The following REDIC1 variants were observed in gnomAD, a reference collection of about 807,000 sequenced individuals.
REDIC1 encodes HEI10 Interacting Protein 1.
chr12:39,729,732 T>C, the REDIC1 span, among the ~76,000 whole-genome samples: 10 of 152,192 alleles, frequency 6.6e-5, no homozygotes, highest in Admixed American at 6.5e-4. Context: ...TTCTGTCTTG[T>C]TGATCTGTCT....
the REDIC1 span, among the ~76,000 whole-genome samples, chr12:39,714,671 A>C: frequency 6.6e-6 from 1 of 151,854 alleles, no homozygotes; most frequent in Non-Finnish European, 1.5e-5. Context: ...ACTAGTTTAC[A>C]TTCCCACCAG....
the REDIC1 span, among the ~76,000 whole-genome samples, chr12:39,895,873 C>T: frequency 3.4e-4 from 24 of 69,870 alleles, 1 homozygote; most frequent in South Asian, 5.6e-4. Context: ...TATGCACACA[C>T]ATATGTATAT....
chr12:39,806,788 C>T, the REDIC1 span, among the ~76,000 whole-genome samples: 5 of 151,996 alleles, frequency 3.3e-5, no homozygotes, highest in Admixed American at 2.0e-4. Context: ...TCAAGACAGT[C>T]GAAAATAAAT....
the REDIC1 span, among the ~76,000 whole-genome samples, chr12:39,632,999 G>A: frequency 6.6e-6 from 1 of 151,950 alleles, no homozygotes; most frequent in Non-Finnish European, 1.5e-5. Flanking sequence ...CTAAATTTAT[G>A]TTTAAAGATG....
At chr12:39,800,050 T>C in the REDIC1 span, among the ~76,000 whole-genome samples, 1 of 152,174 alleles carries the variant, frequency 6.6e-6, no homozygotes, top group Admixed American at 6.5e-5. Context: ...CAAGTAAACA[T>C]ATATGTAATG....
chr12:39,900,444 G>A, the REDIC1 span, among the ~76,000 whole-genome samples: 32 of 152,024 alleles, frequency 2.1e-4, no homozygotes, highest in Admixed American at 6.5e-4. Context: ...AAACCCCATC[G>A]TCTCAGCCCA....
At chr12:39,643,866 A>G in the REDIC1 span, 1 of 1,578,894 alleles carries the variant, frequency 6.3e-7, no homozygotes, top group Non-Finnish European at 8.7e-7. Context: ...CAGCTTAGAC[A>G]TTCTTAACCT....
the REDIC1 span, among the ~76,000 whole-genome samples, chr12:39,634,698 G>T: frequency 1.8e-3 from 275 of 152,204 alleles, no homozygotes; most frequent in African/African-American, 6.0e-3. Context: ...AAGAACCTAG[G>T]CAATACCATT....
At chr12:39,847,572 G>A in the REDIC1 span, among the ~76,000 whole-genome samples, 1 of 152,134 alleles carries the variant, frequency 6.6e-6, no homozygotes, top group South Asian at 2.1e-4. Context: ...AGCCACCCTG[G>A]CCCATGTGGT....
chr12:39,785,151 C>T, the REDIC1 span, among the ~76,000 whole-genome samples: 1 of 152,124 alleles, frequency 6.6e-6, no homozygotes. Flanking sequence ...CTCCAGGCCA[C>T]TTCAGAGACC....
chr12:39,713,397 C>CAT, the REDIC1 span, among the ~76,000 whole-genome samples: 1 of 9,106 alleles, frequency 1.1e-4, no homozygotes, highest in Non-Finnish European at 6.0e-4. Context: ...TGTGTAGACA[C>CAT]ATACGTATGT....
the REDIC1 span, among the ~76,000 whole-genome samples, chr12:39,845,399 C>T: frequency 1.3e-5 from 2 of 152,064 alleles, no homozygotes; most frequent in African/African-American, 4.8e-5. Context: ...CACTATAACA[C>T]TTGGCATTAG....
At chr12:39,716,308 T>C in the REDIC1 span, among the ~76,000 whole-genome samples, 1 of 152,162 alleles carries the variant, frequency 6.6e-6, no homozygotes, top group East Asian at 1.9e-4. Context: ...TGTATCAAAC[T>C]GGATGCTTTG....
the REDIC1 span, among the ~76,000 whole-genome samples, chr12:39,713,612 GTATA>G: frequency 6.7e-6 from 1 of 148,294 alleles, no homozygotes; most frequent in African/African-American, 2.5e-5. Flanking sequence ...ATATACATAT[GTATA>G]TACGCATGTA....
the REDIC1 span, among the ~76,000 whole-genome samples, chr12:39,716,003 C>G: frequency 6.6e-6 from 1 of 151,960 alleles, no homozygotes. Context: ...TTCTCTCTGC[C>G]TCTCAGCTGA....
the REDIC1 span, among the ~76,000 whole-genome samples, chr12:39,626,520 C>T: frequency 6.6e-6 from 1 of 152,158 alleles, no homozygotes; most frequent in Admixed American, 6.5e-5. Context: ...AACCATATCT[C>T]TACTCCTCAG....
chr12:39,655,197 AT>A, the REDIC1 span, among the ~76,000 whole-genome samples: 7 of 151,796 alleles, frequency 4.6e-5, no homozygotes, highest in South Asian at 1.2e-3. Flanking sequence ...AATTTTCTCA[AT>A]TGTTTTTCTA....
the REDIC1 span, among the ~76,000 whole-genome samples, chr12:39,825,402 T>A: frequency 6.6e-6 from 1 of 152,202 alleles, no homozygotes; most frequent in Non-Finnish European, 1.5e-5. Context: ...AATGTGTGTC[T>A]TTCCACTACT....
At chr12:39,860,165 T>A in the REDIC1 span, among the ~76,000 whole-genome samples, 1 of 152,192 alleles carries the variant, frequency 6.6e-6, no homozygotes, top group Non-Finnish European at 1.5e-5. Flanking sequence ...AGGTGGTTAG[T>A]CTGTGTGCCC....
Sources: gnomAD v4.1 joint callset for allele counts (sites outside exome capture counted in the v4.1 genomes callset) on GRCh38, gnomAD v4.1.1 for gene constraint, MANE v1.5 for transcripts, NCBI Gene and HGNC (gene_info 2026-07-23, HGNC 2026-07-21) for gene names.